ADAMTSL3: variants seen among roughly 807,000 people sequenced by gnomAD.
The protein encoded by ADAMTSL3 is ADAMTS-like protein 3.
A neutral mutation model predicts 201.7 loss-of-function variants in ADAMTSL3; 128 were observed. The ratio of observed to expected loss-of-function variants is 0.63; its 90% CI spans 0.55 to 0.73. ADAMTSL3 has a LOEUF of 0.73. Among genes scored for constraint, ADAMTSL3 ranks in the 30% least tolerant of loss-of-function variants. The probability of loss-of-function intolerance (pLI) is 0.00; values close to 1 mark genes in which losing one functional copy is unlikely to be tolerated. For synonymous variants in ADAMTSL3, 738 were observed against 748.4 expected, an observed-to-expected ratio of 0.99 and a Z score of 0.23; for missense variants, 1,990 against 2,119.6, an observed-to-expected ratio of 0.94 and a Z score of 1.20.
At position 84,036,992 on chromosome 15, in the gene ADAMTSL3, G is replaced by A. The variant is rs62026486; in HGVS notation, c.4969+5G>A. The A allele has an allele frequency of 7.3e-3, 11,802 of 1,613,370 alleles. 55 individuals are homozygous for A. The highest frequency in any genetic ancestry group is 8.9e-3 in the Non-Finnish European group (10,500 of 1,179,634). ...GTCTTGGGCCCTCCTGTGATAGTAC[G>A]TACACCTCCCAGGTATCTCCACTGC... On this transcript the variant is annotated splice_donor_5th_base_variant and intron_variant, in intron 29 of 29. Coordinates refer to ENST00000286744, the MANE Select transcript of ADAMTSL3 (RefSeq NM_207517.3).
intron 2 of ADAMTSL3, among the ~76,000 whole-genome samples, chr15:83,690,334 A>G (rs1216662166): frequency 6.6e-6 from 1 of 151,856 alleles, no homozygotes; most frequent in Non-Finnish European, 1.5e-5. Flanking sequence ...GCCCATGCCT[A>G]CCTCTCCAAC....
intron 2 of ADAMTSL3, among the ~76,000 whole-genome samples, chr15:83,684,489 A>G (rs1326416528): frequency 6.6e-6 from 1 of 152,130 alleles, no homozygotes; most frequent in African/African-American, 2.4e-5. Flanking sequence ...ACTTGAGGCC[A>G]GGAGTTTGAG....
At chr15:83,793,199 TGAG>T (rs1178931258) in intron 4 of ADAMTSL3, among the ~76,000 whole-genome samples, 3 of 152,080 alleles carry the variant, frequency 2.0e-5, no homozygotes, top group Non-Finnish European at 4.4e-5. Flanking sequence ...GGAGGGGAGT[TGAG>T]GACATGTTGG....
intron 19 of ADAMTSL3, among the ~76,000 whole-genome samples, chr15:83,963,400 AACTGGGTGGAGCCC>A (rs2067010940): frequency 6.6e-6 from 1 of 152,144 alleles, no homozygotes; most frequent in Admixed American, 6.5e-5. Context: ...GGGAAGTTCA[AACTGGGTGGAGCCC>A]ACCACAGCTT....
chr15:83,949,417 A>G (rs570466327), intron 19 of ADAMTSL3, among the ~76,000 whole-genome samples: 25 of 152,226 alleles, frequency 1.6e-4, no homozygotes, highest in African/African-American at 5.8e-4. Flanking sequence ...CTGCTGACGG[A>G]CACTTAGGTT....
At chr15:83,784,584 A>G (rs943989594) in intron 4 of ADAMTSL3, among the ~76,000 whole-genome samples, 1 of 152,144 alleles carries the variant, frequency 6.6e-6, no homozygotes, top group African/African-American at 2.4e-5. Context: ...TACAATCTCT[A>G]TTTAAAATCT....
chr15:83,711,473 A>G (rs552449141), intron 3 of ADAMTSL3, among the ~76,000 whole-genome samples: 3 of 152,362 alleles, frequency 2.0e-5, no homozygotes, highest in East Asian at 1.9e-4. Context: ...GCCTGTGTGT[A>G]TAATATTTTT....
At chr15:83,862,430 AC>A (rs1275430397) in intron 8 of ADAMTSL3, 5 of 152,192 alleles carry the variant, frequency 3.3e-5, no homozygotes, top group Non-Finnish European at 7.3e-5. Context: ...CTTGGCAGAA[AC>A]TCTACAAGCC....
chr15:83,952,002 T>C (rs2066767627), intron 19 of ADAMTSL3, among the ~76,000 whole-genome samples: 1 of 152,116 alleles, frequency 6.6e-6, no homozygotes, highest in Admixed American at 6.6e-5. Context: ...TCTACTAATT[T>C]TGGGTTGTTT....
intron 17 of ADAMTSL3, among the ~76,000 whole-genome samples, chr15:83,930,758 C>A (rs565904144): frequency 6.6e-6 from 1 of 152,114 alleles, no homozygotes; most frequent in African/African-American, 2.4e-5. Flanking sequence ...TGGAAAAAAA[C>A]CAGCAGAGAC....
chr15:83,951,276 A>G lies in ADAMTSL3; in HGVS notation c.2490+8194A>G, dbSNP rs1019731263. On this transcript the variant is annotated intron_variant, in intron 19 of 29. Transcript: ENST00000286744. ...TTGTTTGGCATTAATTAAAATGATC[A>G]TATGGTTTTGTTCTTCATTCTGTTG... 3.3e-5 allele frequency among the ~76,000 whole-genome samples: 5 copies of G among 152,034 alleles called. No homozygotes were observed. In the Middle Eastern group the frequency reaches 0.014, roughly 414 times the overall value.
intron 20 of ADAMTSL3, among the ~76,000 whole-genome samples, chr15:83,978,400 G>A (rs1435068949): frequency 6.6e-6 from 1 of 152,118 alleles, no homozygotes; most frequent in Non-Finnish European, 1.5e-5. Flanking sequence ...AGAGGTGGAG[G>A]GATGGGTTAA....
chr15:83,822,087 C>G (rs1437933570), intron 6 of ADAMTSL3, among the ~76,000 whole-genome samples: 2 of 143,462 alleles, frequency 1.4e-5, no homozygotes, highest in Non-Finnish European at 3.1e-5. Flanking sequence ...GGCAGAGGCA[C>G]CCCTCACCTC....
In ADAMTSL3 at chr15:83,783,716, T is replaced by A. The variant is rs541754179; in HGVS notation, c.317+10066T>A. Among the ~76,000 whole-genome samples the A allele has an allele frequency of 2.0e-5, 3 of 151,504 alleles. No individual in the cohort carries two copies. In the South Asian group the frequency reaches 6.2e-4, roughly 32 times the overall value. ...AATTCACCCATATACGGAAGTTTAA[T>A]AGCCCTGAATACACATATTAGAAAA... On this transcript the variant is annotated intron_variant, in intron 4 of 29. Coordinates refer to ENST00000286744, the MANE Select transcript of ADAMTSL3 (RefSeq NM_207517.3).
At chr15:83,983,377 G>A in intron 21 of ADAMTSL3, 33 bp downstream of exon 21, 2 of 1,349,498 alleles carry the variant, frequency 1.5e-6, no homozygotes, top group Non-Finnish European at 2.0e-6. Flanking sequence ...ATTCATTTTT[G>A]CACTACCTTC....
intron 4 of ADAMTSL3, among the ~76,000 whole-genome samples, chr15:83,792,350 C>T (rs1286411530): frequency 6.6e-6 from 1 of 152,118 alleles, no homozygotes; most frequent in Admixed American, 6.5e-5. Context: ...TATCATCTCA[C>T]ACCTGTTAGG....
intron 7 of ADAMTSL3, among the ~76,000 whole-genome samples, chr15:83,854,478 G>A (rs1470907744): frequency 6.6e-6 from 1 of 152,214 alleles, no homozygotes; most frequent in East Asian, 1.9e-4. Context: ...ATCATATCAG[G>A]AAGTTGATGA....
In ADAMTSL3 at chr15:83,819,880, G is replaced by C. The variant is rs888875631; in HGVS notation, c.433G>C (p.Gly145Arg). The C allele has an allele frequency of 6.2e-7, 1 of 1,614,074 alleles. No individual in the cohort carries two copies. The highest frequency in any genetic ancestry group is 8.5e-7 in the Non-Finnish European group (1 of 1,180,016). ...AGCCTACAATGATGTCCAGTATCAG[G>C]GGCATTACTATGAATGGCTTCCACG... Reference protein sequence around the residue: ...CSAYNDVQYQGHYYEWLPRYN... With the variant: ...CSAYNDVQYQRHYYEWLPRYN... The change falls in exon 6 of 30, where the codon GGG (glycine) becomes CGG (arginine). Residue 145 changes from glycine (G) to arginine (R), a missense_variant. Physicochemically the swap from Gly to Arg is moderately radical, Grantham distance 125. Transcript: ENST00000286744.
intron 27 of ADAMTSL3, among the ~76,000 whole-genome samples, chr15:84,030,361 G>A (rs12901166): frequency 0.16 from 24,925 of 152,210 alleles, 2,663 homozygotes; most frequent in Middle Eastern, 0.36. Flanking sequence ...CAGCATGATG[G>A]AAGACACGGG....
Sources: allele counts gnomAD v4.1 joint callset (sites outside exome capture counted in the v4.1 genomes callset), GRCh38; gene constraint gnomAD v4.1.1; transcripts MANE v1.5; gene names NCBI Gene and HGNC (gene_info 2026-07-23, HGNC 2026-07-21).